Variants in DPH6 observed in about 807,000 individuals in gnomAD.
DPH6 encodes diphthine--ammonia ligase.
DPH6 carries 33 observed loss-of-function variants against 38.2 expected under a neutral mutation model. That is an observed-to-expected ratio of 0.86 (90% CI 0.65 to 1.15). The LOEUF is 1.15. Ranked by LOEUF, DPH6 falls within the 50% of genes most tolerant of loss-of-function variation. The pLI, the probability that DPH6 is intolerant of heterozygous loss-of-function variation, is 0.00. For synonymous variants in DPH6, 108 were observed against 103.0 expected (o/e 1.05, Z -0.30); for missense variants, 325 against 320.0 (o/e 1.02, Z -0.12).
intron 6 of DPH6, among the ~76,000 whole-genome samples, chr15:35,385,632 G>A (rs933348965): frequency 1.3e-5 from 2 of 152,012 alleles, no homozygotes; most frequent in African/African-American, 4.8e-5. Flanking sequence ...GGGGCTAGGG[G>A]AGGGATAGCA....
chr15:35,487,106 T>C (rs1159709261), intron 3 of DPH6, among the ~76,000 whole-genome samples: 2 of 152,174 alleles, frequency 1.3e-5, no homozygotes, highest in African/African-American at 2.4e-5. Context: ...CCCCTGTGGA[T>C]CTGTAGGGTT....
chr15:35,285,872 G>GTTTTTTTTTTTTTTTTTTTTT (rs67243158), intron 3 of DPH6, among the ~76,000 whole-genome samples: 2,683 of 52,760 alleles, frequency 0.051, 1,035 homozygotes, highest in Middle Eastern at 0.1. Context: ...TTATCTTTGA[G>GTTTTTTTTTTTTTTTTTTTTT]TTTTTTTTTT....
intron 3 of DPH6, chr15:35,237,049 T>A: frequency 2.3e-6 from 1 of 438,454 alleles, no homozygotes; most frequent in South Asian, 2.9e-5. Context: ...TGACTGTTTT[T>A]CTTGGGTTGG....
chr15:35,428,010 A>G (rs1207422393), intron 5 of DPH6, among the ~76,000 whole-genome samples: 1 of 152,052 alleles, frequency 6.6e-6, no homozygotes, highest in African/African-American at 2.4e-5. Flanking sequence ...TGAGCTCCCA[A>G]ACCAAGAAGG....
chr15:35,450,864 C>G (rs1190437883), intron 4 of DPH6, 61 bp from the exon 5 acceptor site: 1 of 1,297,072 alleles, frequency 7.7e-7, no homozygotes, highest in Admixed American at 2.2e-5. Context: ...CTTGGATCCA[C>G]AGCAATTACT....
intron 6 of DPH6, among the ~76,000 whole-genome samples, chr15:35,398,644 G>GT (rs2053178305): frequency 6.6e-6 from 1 of 152,302 alleles, no homozygotes; most frequent in South Asian, 2.1e-4. Context: ...ACCAGTAAAT[G>GT]TAAGTAAAGT....
At chr15:35,332,250 T>C (rs1236397304) in intron 3 of DPH6, among the ~76,000 whole-genome samples, 1 of 152,140 alleles carries the variant, frequency 6.6e-6, no homozygotes. Context: ...TTTTGGTGTG[T>C]GAGTGTAAGT....
At chr15:35,493,692 C>T (rs1385380449) in intron 3 of DPH6, among the ~76,000 whole-genome samples, 1 of 152,040 alleles carries the variant, frequency 6.6e-6, no homozygotes, top group African/African-American at 2.4e-5. Context: ...ATTTCACTTC[C>T]AAACAATGTG....
At chr15:35,328,915 C>T (rs1312987279), downstream of DPH6, among the ~76,000 whole-genome samples, 3 of 152,180 alleles carry the variant, frequency 2.0e-5, no homozygotes, top group Admixed American at 6.5e-5. Flanking sequence ...ACATGGATGG[C>T]AGCAGGCAGA....
At chr15:35,232,076 G>T (rs1462691083) in intron 3 of DPH6, among the ~76,000 whole-genome samples, 1 of 152,170 alleles carries the variant, frequency 6.6e-6, no homozygotes, top group African/African-American at 2.4e-5. Context: ...AAGACAGGAG[G>T]TAGCAATCAG....
At chr15:35,466,779 A>T (rs1384577673) in intron 3 of DPH6, among the ~76,000 whole-genome samples, 1 of 152,218 alleles carries the variant, frequency 6.6e-6, no homozygotes, top group Non-Finnish European at 1.5e-5. Flanking sequence ...ACAGCATATT[A>T]CTATACTGAA....
the DPH6 span, among the ~76,000 whole-genome samples, chr15:35,185,771 C>T: frequency 7.8e-6 from 1 of 128,792 alleles, no homozygotes; most frequent in Non-Finnish European, 1.6e-5. Context: ...GTCTCCCAGG[C>T]TGGAGTACAG....
At chr15:35,473,501 T>A (rs535229608) in intron 3 of DPH6, among the ~76,000 whole-genome samples, 425 of 151,906 alleles carry the variant, frequency 2.8e-3, no homozygotes, top group African/African-American at 9.8e-3. Flanking sequence ...TCAATAATTT[T>A]AAAAAATTCA....
At chr15:35,206,298 G>T in the DPH6 span, among the ~76,000 whole-genome samples, 1 of 152,098 alleles carries the variant, frequency 6.6e-6, no homozygotes, top group Non-Finnish European at 1.5e-5. Context: ...TCAAATGACT[G>T]AATTCCAAAT....
intron 3 of DPH6, among the ~76,000 whole-genome samples, chr15:35,339,121 A>G (rs1025583555): frequency 2.0e-5 from 3 of 152,134 alleles, no homozygotes; most frequent in African/African-American, 7.2e-5. Context: ...AACATGGCAC[A>G]TGCATACATA....
At chr15:35,244,693 A>G (rs1248151042) in intron 3 of DPH6, among the ~76,000 whole-genome samples, 1 of 152,214 alleles carries the variant, frequency 6.6e-6, no homozygotes, top group East Asian at 1.9e-4. Flanking sequence ...ATTAATTACA[A>G]TTTTAAAACA....
chr15:35,288,953 T>C (rs977626558), intron 3 of DPH6, among the ~76,000 whole-genome samples: 1 of 152,082 alleles, frequency 6.6e-6, no homozygotes, highest in South Asian at 2.1e-4. Context: ...AAACTACACA[T>C]CACCAAAAAA....
intron 1 of DPH6, among the ~76,000 whole-genome samples, chr15:35,544,909 A>G (rs1459625926): frequency 1.3e-5 from 2 of 152,236 alleles, no homozygotes; most frequent in Non-Finnish European, 2.9e-5. Context: ...GGTACTTTTA[A>G]TTCTTAAAAT....
chr15:35,394,153 A>C (rs1400392428), intron 6 of DPH6, among the ~76,000 whole-genome samples: 2 of 152,102 alleles, frequency 1.3e-5, no homozygotes, highest in Non-Finnish European at 2.9e-5. Flanking sequence ...CTCTTAATGC[A>C]TTCCCTATAA....
Sources: gnomAD v4.1 joint callset for allele counts (sites outside exome capture counted in the v4.1 genomes callset) on GRCh38, gnomAD v4.1.1 for gene constraint, MANE v1.5 for transcripts, NCBI Gene and HGNC (gene_info 2026-07-23, HGNC 2026-07-21) for gene names.